Variants in CAB39 observed in about 807,000 individuals in gnomAD.
CAB39 encodes calcium binding protein 39.
A neutral mutation model predicts 40.0 loss-of-function variants in CAB39; 8 were observed. That is an observed-to-expected ratio of 0.20 (90% CI 0.12 to 0.36). The LOEUF is 0.36. Ranked by LOEUF, CAB39 falls within the 10% of genes least tolerant of loss-of-function variation. The pLI, the probability that CAB39 is intolerant of heterozygous loss-of-function variation, is 1.00. For missense variants in CAB39, 270 were observed against 401.1 expected (o/e 0.67, Z 2.79); for synonymous variants, 156 against 141.6 (o/e 1.10, Z -0.72).
In CAB39 at chr2:230,800,626, G is replaced by GGC. The variant is rs563489811; in HGVS notation, c.567+1729_567+1730insGC. Among the ~76,000 whole-genome samples, 375 of 152,288 alleles carry GGC rather than the reference G, an allele frequency of 2.5e-3. 1 individual carries two copies. Among genetic ancestry groups the GGC allele is most frequent in the African/African-American group, 8.8e-3 (366 of 41,556 alleles). The stretch of plus-strand genomic sequence containing the variant: ...CCATGTGTCAAAGAGAGATTCCCCT[G>GGC]TGTGGAAGGACAGCCAGGAGCCTGA... On this transcript the variant is annotated intron_variant, in intron 5 of 8. Transcript: ENST00000258418.
intron 1 of CAB39, among the ~76,000 whole-genome samples, chr2:230,755,896 A>G (rs1003907601): frequency 5.3e-5 from 8 of 152,214 alleles, no homozygotes; most frequent in African/African-American, 1.9e-4. Flanking sequence ...AACCATTGCT[A>G]CTTCCAACTT....
intron 6 of CAB39, among the ~76,000 whole-genome samples, chr2:230,810,845 C>A (rs2124980867): frequency 6.6e-6 from 1 of 152,286 alleles, no homozygotes; most frequent in East Asian, 1.9e-4. Context: ...ACTAGCTTGT[C>A]GGTAAGGTCC....
At chr2:230,738,120 A>T (rs1043639514) in intron 1 of CAB39, among the ~76,000 whole-genome samples, 1 of 152,230 alleles carries the variant, frequency 6.6e-6, no homozygotes, top group Admixed American at 6.5e-5. Context: ...TACACAACGC[A>T]GTTCAAGAAA....
intron 1 of CAB39, among the ~76,000 whole-genome samples, chr2:230,747,513 GAA>G (rs1330824861): frequency 2.0e-5 from 3 of 152,234 alleles, no homozygotes; most frequent in African/African-American, 7.2e-5. Context: ...TTAAGTAAGA[GAA>G]CTTTGAGACT....
At chr2:230,724,750 TC>T (rs200435322) in intron 1 of CAB39, among the ~76,000 whole-genome samples, 1 of 137,430 alleles carries the variant, frequency 7.3e-6, no homozygotes, top group Admixed American at 7.0e-5. Context: ...CCTCGTTTAA[TC>T]TTTTTTTTTT....
At chr2:230,761,094 G>A (rs1166992721) in intron 2 of CAB39, among the ~76,000 whole-genome samples, 1 of 150,522 alleles carries the variant, frequency 6.6e-6, no homozygotes, top group East Asian at 1.9e-4. Context: ...ATATTTGCAT[G>A]TACATAATGA....
intron 1 of CAB39, among the ~76,000 whole-genome samples, chr2:230,748,120 T>C (rs1695007447): frequency 1.3e-5 from 2 of 152,132 alleles, no homozygotes; most frequent in African/African-American, 2.4e-5. Context: ...TTTTTTTTTT[T>C]CCTTTTTCTT....
intron 1 of CAB39, among the ~76,000 whole-genome samples, chr2:230,748,903 A>G (rs1453208056): frequency 2.1e-4 from 27 of 127,856 alleles, no homozygotes; most frequent in Non-Finnish European, 4.1e-4. Flanking sequence ...CACACTTATT[A>G]GCTATGAATC....
At chr2:230,718,151 CCAG>C (rs1484823277) in intron 1 of CAB39, among the ~76,000 whole-genome samples, 1 of 152,154 alleles carries the variant, frequency 6.6e-6, no homozygotes, top group African/African-American at 2.4e-5. Context: ...GGAGCATTAT[CCAG>C]CAAAAATTGT....
intron 2 of CAB39, among the ~76,000 whole-genome samples, chr2:230,784,537 C>CAAAAGGATGAATT (rs1695753833): frequency 2.0e-5 from 3 of 152,066 alleles, no homozygotes; most frequent in Non-Finnish European, 2.9e-5. Flanking sequence ...GTTTAAATGG[C>CAAAAGGATGAATT]CTAGCCAAGG....
intron 1 of CAB39, among the ~76,000 whole-genome samples, chr2:230,753,349 T>C (rs983788900): frequency 6.6e-6 from 1 of 152,192 alleles, no homozygotes; most frequent in Non-Finnish European, 1.5e-5. Flanking sequence ...CCTGTCCCCA[T>C]AGCAGGTACG....
At chr2:230,812,068 C>T (rs1056875947) in intron 6 of CAB39, among the ~76,000 whole-genome samples, 1 of 152,214 alleles carries the variant, frequency 6.6e-6, no homozygotes, top group East Asian at 1.9e-4. Flanking sequence ...GCTCTAAATT[C>T]TGATCCAGTT....
In CAB39 at chr2:230,813,653, G is replaced by A. The variant is rs146862771; in HGVS notation, c.628-396G>A. Among the ~76,000 whole-genome samples the A allele has an allele frequency of 2.6e-5, 4 of 152,232 alleles. No homozygotes were observed. In the East Asian group the frequency reaches 7.7e-4, roughly 29 times the overall value. ...GAATTCTTGTTTATATAAAATACGA[G>A]TTTTTCAATCTAACATCAAGATATG... On this transcript the variant is annotated intron_variant, in intron 6 of 8. Coordinates refer to ENST00000258418, the MANE Select transcript of CAB39 (RefSeq NM_016289.4).
In CAB39 at chr2:230,820,132, T is replaced by C. The variant is rs1295007611; in HGVS notation, c.*1428T>C. ...TCTAGACTATATCTATGTAAAGTTA[T>C]TAGAATGGTATCTGTTCATTTTAGT... On this transcript the variant is annotated 3_prime_UTR_variant, in exon 9 of 9. Transcript: ENST00000258418. The C allele has an allele frequency of 1.3e-5, 2 of 152,654 alleles. No individual in the cohort carries two copies. Among genetic ancestry groups the C allele is most frequent in the Non-Finnish European group, 2.9e-5 (2 of 68,034 alleles). 9.5% of individuals were successfully genotyped at this position (152,654 alleles called of 1,614,324 possible).
At chr2:230,787,400 G>A (rs145702117) in intron 2 of CAB39, among the ~76,000 whole-genome samples, 3 of 152,260 alleles carry the variant, frequency 2.0e-5, no homozygotes, top group Non-Finnish European at 4.4e-5. Context: ...ATGTGAGAGC[G>A]TTTAGCTAAT....
intron 8 of CAB39, 156 bp downstream of exon 8, chr2:230,818,053 A>G (rs1256121732): frequency 1.5e-6 from 1 of 666,078 alleles, no homozygotes; most frequent in Non-Finnish European, 2.5e-6. Flanking sequence ...TTTTAAACAG[A>G]AAGGTAGACC....
At chr2:230,815,391 C>T (rs1696382226) in intron 7 of CAB39, among the ~76,000 whole-genome samples, 1 of 152,162 alleles carries the variant, frequency 6.6e-6, no homozygotes. Context: ...GTTTCTCCTC[C>T]CTGGACATCA....
intron 5 of CAB39, among the ~76,000 whole-genome samples, chr2:230,799,543 G>T (rs1338598819): frequency 2.0e-5 from 3 of 152,172 alleles, no homozygotes; most frequent in Non-Finnish European, 4.4e-5. Flanking sequence ...ACTGTACAAC[G>T]TGCAGATTCT....
At chr2:230,737,913 A>G (rs1264267005) in intron 1 of CAB39, among the ~76,000 whole-genome samples, 1 of 152,232 alleles carries the variant, frequency 6.6e-6, no homozygotes, top group East Asian at 1.9e-4. Flanking sequence ...TCTTTGAGCA[A>G]TAAAAGAAGG....
Sources: gnomAD v4.1 joint callset for allele counts (sites outside exome capture counted in the v4.1 genomes callset) on GRCh38, gnomAD v4.1.1 for gene constraint, MANE v1.5 for transcripts, NCBI Gene and HGNC (gene_info 2026-07-23, HGNC 2026-07-21) for gene names.